The following EYS variants were observed in gnomAD, a reference collection of about 807,000 sequenced individuals.
EYS encodes EGF-like photoreceptor maintenance factor, also known as protein eyes shut homolog.
In EYS, 250 loss-of-function variants were observed where a neutral mutation model predicts 282.1. The ratio of observed to expected loss-of-function variants is 0.89; its 90% CI spans 0.80 to 0.98. The LOEUF is 0.98. Among genes scored for constraint, EYS ranks in the 50% least tolerant of loss-of-function variants. The pLI is 0.00. For missense variants in EYS, 4,016 were observed against 3,709.0 expected (o/e 1.08, Z -2.15); for synonymous variants, 1,355 against 1,282.9 (o/e 1.06, Z -1.20).
At chr6:64,562,265 T>C (rs1360122206) in intron 26 of EYS, among the ~76,000 whole-genome samples, 1 of 151,884 alleles carries the variant, frequency 6.6e-6, no homozygotes, top group Non-Finnish European at 1.5e-5. Flanking sequence ...CTAAAATATA[T>C]TATTAGTCAA....
At chr6:63,956,414 TTC>T (rs1765824231) in intron 35 of EYS, among the ~76,000 whole-genome samples, 1 of 152,124 alleles carries the variant, frequency 6.6e-6, no homozygotes, top group Non-Finnish European at 1.5e-5. Context: ...TCTATCTCCC[TTC>T]TCTGACTCTC....
chr6:63,855,480 T>C (rs1772367315), intron 36 of EYS, among the ~76,000 whole-genome samples: 1 of 152,210 alleles, frequency 6.6e-6, no homozygotes, highest in African/African-American at 2.4e-5. Context: ...CACAAATACT[T>C]ATGATTATCT....
At chr6:65,318,079 G>A (rs1408115972) in intron 11 of EYS, among the ~76,000 whole-genome samples, 1 of 151,300 alleles carries the variant, frequency 6.6e-6, no homozygotes, top group South Asian at 2.1e-4. Context: ...ATGTTAGCCA[G>A]GATGGTCTTG....
chr6:63,730,881 C>T (rs1768765623), intron 41 of EYS, among the ~76,000 whole-genome samples: 1 of 152,044 alleles, frequency 6.6e-6, no homozygotes, highest in African/African-American at 2.4e-5. Flanking sequence ...ATTAGCTGGG[C>T]ATGGTGGTGC....
intron 22 of EYS, among the ~76,000 whole-genome samples, chr6:64,654,424 A>G (rs963581898): frequency 3.3e-5 from 5 of 152,208 alleles, no homozygotes; most frequent in Non-Finnish European, 2.9e-5. Flanking sequence ...AATTACAAAA[A>G]TGTATGGTTA....
At chr6:65,455,677 T>C (rs940717745) in intron 5 of EYS, among the ~76,000 whole-genome samples, 8 of 152,106 alleles carry the variant, frequency 5.3e-5, no homozygotes, top group African/African-American at 1.9e-4. Flanking sequence ...TCTGGATACG[T>C]ACACTCTGCT....
At chr6:64,013,876 A>G (rs534951693) in intron 33 of EYS, among the ~76,000 whole-genome samples, 1 of 152,278 alleles carries the variant, frequency 6.6e-6, no homozygotes, top group East Asian at 1.9e-4. Flanking sequence ...AGATTGGGCT[A>G]ATTCACTCTG....
intron 1 of EYS, among the ~76,000 whole-genome samples, chr6:65,680,044 T>C (rs1283832120): frequency 6.6e-6 from 1 of 151,354 alleles, no homozygotes; most frequent in Non-Finnish European, 1.5e-5. Context: ...CGTTGCTTTA[T>C]ATGAAAGCTT....
intron 13 of EYS, among the ~76,000 whole-genome samples, chr6:65,023,164 C>T (rs1772299137): frequency 6.6e-6 from 1 of 152,062 alleles, no homozygotes; most frequent in Admixed American, 6.6e-5. Flanking sequence ...AATTATATCT[C>T]AACTGAATAT....
chr6:64,674,984 C>T (rs1190633713), intron 22 of EYS, among the ~76,000 whole-genome samples: 2 of 152,148 alleles, frequency 1.3e-5, no homozygotes, highest in Non-Finnish European at 2.9e-5. Context: ...CCTGACCTGA[C>T]ATCATGCTGA....
At chr6:65,247,286 A>G (rs1425207828) in intron 12 of EYS, among the ~76,000 whole-genome samples, 12 of 152,008 alleles carry the variant, frequency 7.9e-5, no homozygotes, top group Admixed American at 7.9e-4. Context: ...CTTTCCTTCC[A>G]GATATCAATT....
At chr6:64,688,212 G>A (rs914984466) in intron 22 of EYS, among the ~76,000 whole-genome samples, 4 of 151,518 alleles carry the variant, frequency 2.6e-5, no homozygotes, top group Admixed American at 2.0e-4. Context: ...GGTTTTCTGT[G>A]TCTCTATCTC....
At chr6:64,064,737 C>T (rs537663859) in intron 33 of EYS, among the ~76,000 whole-genome samples, 1 of 152,166 alleles carries the variant, frequency 6.6e-6, no homozygotes, top group Non-Finnish European at 1.5e-5. Context: ...AAGAATTTAA[C>T]CCCCGAATAG....
At chr6:63,774,065 T>G (rs1159306574) in intron 40 of EYS, among the ~76,000 whole-genome samples, 1 of 152,232 alleles carries the variant, frequency 6.6e-6, no homozygotes, top group Non-Finnish European at 1.5e-5. Context: ...TGATGCATTT[T>G]ACATTTTTAC....
intron 40 of EYS, among the ~76,000 whole-genome samples, chr6:63,776,080 G>A (rs1770057405): frequency 6.6e-6 from 1 of 151,954 alleles, no homozygotes; most frequent in African/African-American, 2.4e-5. Context: ...GTACATTATT[G>A]CTTGTCTATT....
chr6:65,515,903 G>C lies in EYS; in HGVS notation c.-332-19910C>G, dbSNP rs185267000. On this transcript the variant is annotated intron_variant, in intron 2 of 42. Coordinates refer to ENST00000503581, the MANE Select transcript of EYS (RefSeq NM_001142800.2). ...ACATGTATACATATGTAACTAACCT[G>C]CACATTGTGCACATGTACCCTAAAA... 7.5e-3 allele frequency among the ~76,000 whole-genome samples: 1,139 copies of C among 151,524 alleles called. 14 individuals are homozygous for C. The highest frequency in any genetic ancestry group is 0.025 in the African/African-American group (1,019 of 41,290).
intron 12 of EYS, among the ~76,000 whole-genome samples, chr6:65,231,069 TTA>T (rs200311682): frequency 0.011 from 1,564 of 144,862 alleles, 33 homozygotes; most frequent in African/African-American, 0.037. Flanking sequence ...ATATGTACTT[TTA>T]TATATATATA....
chr6:65,609,335 C>CAAA (rs777614150), intron 2 of EYS, among the ~76,000 whole-genome samples: 1,410 of 49,454 alleles, frequency 0.029, 9 homozygotes, highest in Non-Finnish European at 0.04. Context: ...TCCAAGATAG[C>CAAA]CAAAAAAAAA....
intron 13 of EYS, among the ~76,000 whole-genome samples, chr6:65,035,243 C>T (rs574049104): frequency 6.6e-6 from 1 of 152,146 alleles, no homozygotes; most frequent in East Asian, 1.9e-4. Flanking sequence ...ATGACAAACA[C>T]ACATCATACT....
Sources: allele counts gnomAD v4.1 joint callset (sites outside exome capture counted in the v4.1 genomes callset), GRCh38; gene constraint gnomAD v4.1.1; transcripts MANE v1.5; gene names NCBI Gene and HGNC (gene_info 2026-07-23, HGNC 2026-07-21).